Variants in SEL1L2 observed in about 807,000 individuals in gnomAD.
The protein encoded by SEL1L2 is SEL1L2 adaptor subunit of SYVN1 ubiquitin ligase.
SEL1L2 carries 89 observed loss-of-function variants against 98.8 expected under a neutral mutation model. The observed-to-expected ratio is 0.90, with a 90% CI of 0.76 to 1.07. SEL1L2 has a LOEUF of 1.07. Ranked by LOEUF, SEL1L2 falls within the 50% of genes least tolerant of loss-of-function variation. SEL1L2 has a pLI of 0.00. For synonymous variants in SEL1L2, 262 were observed against 278.5 expected (o/e 0.94, Z 0.59); for missense variants, 788 against 812.0 (o/e 0.97, Z 0.36).
At chr20:13,868,466 G>T (rs772321933) in intron 14 of SEL1L2, among the ~76,000 whole-genome samples, 1 of 152,028 alleles carries the variant, frequency 6.6e-6, no homozygotes, top group Non-Finnish European at 1.5e-5. Flanking sequence ...AGGGCATGCT[G>T]CTTGCAAGAA....
chr20:13,888,633 C>CT lies in SEL1L2; in HGVS notation c.550-122dup. 3 of 232,088 alleles carry CT rather than the reference C, an allele frequency of 1.3e-5. No homozygotes were observed. The South Asian group carries it at 1.4e-4, about 11-fold the overall frequency. The allele number at this position is 232,088 out of a possible 1,614,324, so 14.4% of individuals were successfully genotyped here. ...ATTTGCATTGTTAATTTCTTTCTTT[C>CT]TCTTTTTTTTTTTTTTTTTTTTTGA... is the stretch of plus-strand genomic sequence containing the variant. On this transcript the variant is annotated intron_variant, in intron 5 of 19. Transcript: ENST00000284951.
At position 13,913,821 on chromosome 20, in the gene SEL1L2, A is replaced by G. The variant is rs754000082; in HGVS notation, c.510T>C (p.Tyr170=). 6 of 1,552,010 alleles carry G rather than the reference A, an allele frequency of 3.9e-6. No individual in the cohort carries two copies. Among genetic ancestry groups the G allele is most frequent in the South Asian group, 1.3e-5 (1 of 78,284 alleles). The change falls in exon 5 of 20, where the codon TAT becomes TAC. Residue 170 remains tyrosine, a synonymous_variant. Coordinates refer to ENST00000284951, the MANE Select transcript of SEL1L2 (RefSeq NM_025229.2). The part of the protein sequence containing the change: ...VQNITAAIQL[Y]ESLAKEGSCK... ...ATGATCCTTCTTTAGCCAAGGACTC[A>G]TATAATTGGATAGCTGCTGTTATAT...
intron 17 of SEL1L2, among the ~76,000 whole-genome samples, chr20:13,862,161 G>A (rs1260290323): frequency 6.6e-6 from 1 of 152,202 alleles, no homozygotes; most frequent in African/African-American, 2.4e-5. Flanking sequence ...GGACATGCAA[G>A]GAAACTTTTT....
intron 1 of SEL1L2, 134 bp downstream of exon 1, chr20:13,990,343 T>C: frequency 1.5e-6 from 1 of 669,768 alleles, no homozygotes; most frequent in Non-Finnish European, 2.7e-6. Context: ...CATTTTAAAG[T>C]ACCTGTACAA....
intron 6 of SEL1L2, among the ~76,000 whole-genome samples, 165 bp downstream of exon 6, chr20:13,888,294 C>A (rs930472525): frequency 3.3e-5 from 5 of 152,186 alleles, no homozygotes; most frequent in African/African-American, 9.7e-5. Flanking sequence ...ACTCATGAGG[C>A]TTTAAGAAAC....
rs537246220 is a variant in SEL1L2 at position 13,865,339 on chromosome 20, C to T, written c.1570+10G>A. ...ATTGGGGGATTGCAGAGAATTTTAA[C>T]TCATCTTACTAGATTCCAAAATGAA... On this transcript the variant is annotated intron_variant, in intron 16 of 19. Coordinates refer to ENST00000284951, the MANE Select transcript of SEL1L2 (RefSeq NM_025229.2). 8 of 1,613,536 alleles carry T rather than the reference C, an allele frequency of 5.0e-6. No individual in the cohort carries two copies. The South Asian group carries it at 7.7e-5, about 16-fold the overall frequency.
At chr20:13,949,842 G>T (rs1002099693) in intron 2 of SEL1L2, among the ~76,000 whole-genome samples, 5 of 152,232 alleles carry the variant, frequency 3.3e-5, no homozygotes, top group African/African-American at 9.6e-5. Flanking sequence ...ATCCAGTATT[G>T]CCACTTTTGA....
At chr20:13,902,918 C>T (rs2047747610) in intron 5 of SEL1L2, among the ~76,000 whole-genome samples, 1 of 151,972 alleles carries the variant, frequency 6.6e-6, no homozygotes, top group Non-Finnish European at 1.5e-5. Context: ...GAGATCGAGA[C>T]CATCCTGTCC....
At chr20:13,994,899 T>A (rs977414094), upstream of SEL1L2, 1 of 152,268 alleles carries the variant, frequency 6.6e-6, no homozygotes, top group Admixed American at 6.5e-5. Context: ...CAAATTCCAA[T>A]GAAATTTGTA....
intron 1 of SEL1L2, among the ~76,000 whole-genome samples, chr20:13,987,780 T>C (rs1239036084): frequency 1.3e-5 from 2 of 152,242 alleles, no homozygotes; most frequent in Non-Finnish European, 2.9e-5. Context: ...TTGTTCATCT[T>C]CTTTGGGAAA....
intron 17 of SEL1L2, among the ~76,000 whole-genome samples, chr20:13,863,495 G>A (rs887545301): frequency 5.3e-5 from 8 of 152,126 alleles, no homozygotes; most frequent in African/African-American, 1.9e-4. Flanking sequence ...CTCTTTACAT[G>A]AGTAACTGCT....
chr20:13,874,161 G>C (rs1316572037), intron 12 of SEL1L2, among the ~76,000 whole-genome samples: 1 of 152,196 alleles, frequency 6.6e-6, no homozygotes, highest in African/African-American at 2.4e-5. Flanking sequence ...CTGGAGGAAT[G>C]TGGTCCAACA....
At chr20:13,869,692 AT>A in intron 13 of SEL1L2, 102 bp from the exon 14 acceptor site, 1 of 741,910 alleles carries the variant, frequency 1.3e-6, no homozygotes, top group Non-Finnish European at 2.3e-6. Flanking sequence ...GCCCTATGTG[AT>A]TTAGGGTAAT....
chr20:13,922,583 G>A (rs2048713473), intron 3 of SEL1L2, among the ~76,000 whole-genome samples: 1 of 152,192 alleles, frequency 6.6e-6, no homozygotes, highest in African/African-American at 2.4e-5. Context: ...AAAGGATGCA[G>A]TGTCTGTGTA....
Position 13,931,666 on chromosome 20 carries a change from G to T in SEL1L2, c.220C>A (p.Gln74Lys). The T allele has an allele frequency of 6.6e-7, 1 of 1,525,806 alleles. No homozygotes were observed. The highest frequency in any genetic ancestry group is 1.2e-5 in the South Asian group (1 of 82,726). 94.5% of individuals were successfully genotyped at this position (1,525,806 alleles called of 1,614,324 possible). A position where few individuals can be genotyped will look rare whatever the true frequency, so the allele number is the denominator to read the frequency against. ...ATTCCTTTTATTCTTATTTTACGTT[G>T]ATTCTTCTTTTTCTCCAGGAGATTT... is the stretch of plus-strand genomic sequence containing the variant. ...RENLLEKKKN[Q>K]RKIRIKGIQN... The change falls in exon 3 of 20, where the codon CAA becomes AAA. Residue 74 changes from glutamine (Q) to lysine (K), a missense_variant. Coordinates refer to ENST00000284951, the MANE Select transcript of SEL1L2 (RefSeq NM_025229.2).
At chr20:13,901,795 G>A (rs2047695216) in intron 5 of SEL1L2, among the ~76,000 whole-genome samples, 1 of 151,784 alleles carries the variant, frequency 6.6e-6, no homozygotes, top group Non-Finnish European at 1.5e-5. Context: ...CGGAGTAGCT[G>A]GGATTATAGG....
At chr20:13,951,729 G>A (rs919026426) in intron 2 of SEL1L2, among the ~76,000 whole-genome samples, 17 of 146,026 alleles carry the variant, frequency 1.2e-4, no homozygotes, top group African/African-American at 4.3e-4. Context: ...ACAAAAATGA[G>A]GACTGGAGAG....
Position 13,849,359 on chromosome 20 carries a change from T to G in SEL1L2, c.*126A>C. 8.1e-7 allele frequency: 1 copy of G among 1,241,192 alleles called. No homozygotes were observed. The highest frequency in any genetic ancestry group is 1.1e-6 in the Non-Finnish European group (1 of 881,052). The allele number at this position is 1,241,192 out of a possible 1,614,324, so 76.9% of individuals were successfully genotyped here. ...TAGGATGGTCCCCAAGTCTTGTCTG[T>G]TTCCCATCACAGCCCTGAGCGGGAA... On this transcript the variant is annotated 3_prime_UTR_variant, in exon 20 of 20. Transcript: ENST00000284951.
intron 5 of SEL1L2, among the ~76,000 whole-genome samples, chr20:13,907,098 T>C (rs184705721): frequency 1.3e-5 from 2 of 152,384 alleles, no homozygotes; most frequent in African/African-American, 4.8e-5. Flanking sequence ...TTCTTTTATA[T>C]GTCAATGATG....
Sources: gnomAD v4.1 joint callset for allele counts (sites outside exome capture counted in the v4.1 genomes callset) on GRCh38, gnomAD v4.1.1 for gene constraint, MANE v1.5 for transcripts, NCBI Gene and HGNC (gene_info 2026-07-23, HGNC 2026-07-21) for gene names.